PLA2R1: variants seen among roughly 807,000 people sequenced by gnomAD.
PLA2R1 encodes secretory phospholipase A2 receptor.
In PLA2R1, 158 loss-of-function variants were observed where a neutral mutation model predicts 195.9. That is an observed-to-expected ratio of 0.81 (90% CI 0.71 to 0.92). The LOEUF (loss-of-function observed/expected upper bound fraction) is 0.92. PLA2R1 is among the 40% of genes least tolerant of loss of function. The probability of loss-of-function intolerance (pLI) is 0.00; values close to 1 mark genes in which losing one functional copy is unlikely to be tolerated. For synonymous variants in PLA2R1, 586 were observed against 598.2 expected (o/e 0.98, Z 0.30); for missense variants, 1,626 against 1,764.6 (o/e 0.92, Z 1.41).
At chr2:160,031,322 A>C (rs1332828282) in intron 4 of PLA2R1, among the ~76,000 whole-genome samples, 1 of 152,250 alleles carries the variant, frequency 6.6e-6, no homozygotes, top group East Asian at 1.9e-4. Flanking sequence ...AATATCTCTA[A>C]TATATTACCA....
intron 3 of PLA2R1, among the ~76,000 whole-genome samples, chr2:160,034,839 C>A (rs568054814): frequency 3.7e-5 from 5 of 133,558 alleles, no homozygotes; most frequent in African/African-American, 1.2e-4. Context: ...GAAGCTGAGG[C>A]GGGTGGATTG....
At chr2:159,930,864 C>T (rs1438746078), downstream of PLA2R1, among the ~76,000 whole-genome samples, 3 of 152,232 alleles carry the variant, frequency 2.0e-5, no homozygotes, top group East Asian at 5.8e-4. Context: ...TCTTCCCACT[C>T]CTTCCTCAGC....
intron 11 of PLA2R1, among the ~76,000 whole-genome samples, chr2:160,000,369 G>A (rs1276755600): frequency 2.6e-5 from 4 of 152,144 alleles, no homozygotes; most frequent in African/African-American, 4.8e-5. Context: ...GTTAGTCATC[G>A]AATTCATGCT....
At chr2:159,968,912 A>G (rs1688957796) in intron 19 of PLA2R1, among the ~76,000 whole-genome samples, 1 of 152,242 alleles carries the variant, frequency 6.6e-6, no homozygotes, top group Non-Finnish European at 1.5e-5. Flanking sequence ...TAAATTGGAT[A>G]TAGGAATAGA....
intron 4 of PLA2R1, among the ~76,000 whole-genome samples, chr2:160,032,147 A>G (rs938933031): frequency 2.6e-5 from 4 of 152,256 alleles, no homozygotes; most frequent in African/African-American, 2.4e-5. Context: ...GCAGAGAAAC[A>G]CAGTTGTCTC....
chr2:160,000,608 G>T (rs1316283462), intron 11 of PLA2R1, among the ~76,000 whole-genome samples: 1 of 152,040 alleles, frequency 6.6e-6, no homozygotes, highest in Non-Finnish European at 1.5e-5. Flanking sequence ...ACAACTTCAG[G>T]TATGAGATTA....
intron 20 of PLA2R1, among the ~76,000 whole-genome samples, chr2:159,958,317 A>G (rs1688233429): frequency 6.6e-6 from 1 of 152,010 alleles, no homozygotes. Flanking sequence ...TTCTGCCATG[A>G]TTGTAAGCTC....
intron 3 of PLA2R1, among the ~76,000 whole-genome samples, chr2:160,041,003 T>C (rs896432516): frequency 6.6e-6 from 1 of 152,186 alleles, no homozygotes; most frequent in Non-Finnish European, 1.5e-5. Flanking sequence ...GAGACTCAGA[T>C]AGATGGAGAG....
intron 16 of PLA2R1, 28 bp downstream of exon 16, chr2:159,976,657 A>T: frequency 2.0e-6 from 3 of 1,469,902 alleles, no homozygotes; most frequent in Non-Finnish European, 2.9e-6. Flanking sequence ...ATAATTAGAA[A>T]TTCAAGAGCT....
At position 160,042,209 on chromosome 2, in the gene PLA2R1, G is replaced by A; in HGVS notation, c.494-11C>T. 1 of 1,609,090 alleles carries A rather than the reference G, an allele frequency of 6.2e-7. No individual in the cohort carries two copies. The highest frequency in any genetic ancestry group is 1.1e-5 in the South Asian group (1 of 90,596). Reference sequence around the variant, plus strand: ...TGATTGTATGCAAATCTAGGAGAAAGAAATGTACAAAGTCAGATAAGTATG... The same window carrying A: ...TGATTGTATGCAAATCTAGGAGAAAAAAATGTACAAAGTCAGATAAGTATG... On this transcript the variant is annotated splice_polypyrimidine_tract_variant and intron_variant, in intron 2 of 29. Coordinates refer to ENST00000283243, the MANE Select transcript of PLA2R1 (RefSeq NM_007366.5).
At chr2:159,990,391 G>T (rs1040222367) in intron 11 of PLA2R1, among the ~76,000 whole-genome samples, 7 of 152,146 alleles carry the variant, frequency 4.6e-5, no homozygotes, top group Non-Finnish European at 8.8e-5. Context: ...GATTCACCAA[G>T]TTATCTATGC....
intron 4 of PLA2R1, among the ~76,000 whole-genome samples, chr2:160,032,369 A>C (rs1279420088): frequency 6.6e-5 from 10 of 152,246 alleles, no homozygotes; most frequent in Admixed American, 3.9e-4. Flanking sequence ...ATACAAATAC[A>C]TTTAATCTAT....
chr2:159,951,285 G>T, intron 24 of PLA2R1, 55 bp downstream of exon 24: 1 of 915,770 alleles, frequency 1.1e-6, no homozygotes, highest in Non-Finnish European at 1.8e-6. Flanking sequence ...TCATGAAGGA[G>T]GTAGATGCTA....
chr2:159,999,165 TA>T (rs1691426966), intron 11 of PLA2R1, among the ~76,000 whole-genome samples: 3 of 152,154 alleles, frequency 2.0e-5, no homozygotes, highest in Admixed American at 6.6e-5. Flanking sequence ...GCTAGCACCT[TA>T]ATCTTGGACT....
At chr2:159,979,715 G>A in intron 14 of PLA2R1, 115 bp downstream of exon 14, 1 of 604,194 alleles carries the variant, frequency 1.7e-6, no homozygotes, top group Non-Finnish European at 3.0e-6. Context: ...GTCTGGTGCA[G>A]TTTTGTCATG....
rs927577380 is a variant in PLA2R1 at position 159,943,870 on chromosome 2, C to G, written c.4144+1036G>C. Among the ~76,000 whole-genome samples the G allele has an allele frequency of 4.6e-5, 7 of 151,892 alleles. No individual in the cohort carries two copies. In the East Asian group the frequency reaches 1.4e-3, roughly 29 times the overall value. ...TGTGGGGGTTTCAAACATTGGTGCC[C>G]ACACCTGCAGTGTTTTCTTCTTCAT... On this transcript the variant is annotated intron_variant, in intron 28 of 29. Transcript: ENST00000283243.
At chr2:159,997,475 A>G (rs865863336) in intron 11 of PLA2R1, among the ~76,000 whole-genome samples, 1 of 152,212 alleles carries the variant, frequency 6.6e-6, no homozygotes, top group African/African-American at 2.4e-5. Context: ...ATGCTTTGCT[A>G]TATTTCAAAA....
downstream of PLA2R1, among the ~76,000 whole-genome samples, chr2:159,929,872 G>GTATATA (rs71000319): frequency 1.1e-3 from 166 of 148,224 alleles, 1 homozygote; most frequent in South Asian, 0.013. Context: ...GTGTGTGTGT[G>GTATATA]TATATATATA....
At position 159,965,913 on chromosome 2, in the gene PLA2R1, G is replaced by A. The variant is rs370821921; in HGVS notation, c.2904+1626C>T. Among the ~76,000 whole-genome samples the A allele has an allele frequency of 5.9e-5, 9 of 152,106 alleles. No homozygotes were observed. The East Asian group carries it at 1.5e-3, about 26-fold the overall frequency. On this transcript the variant is annotated intron_variant, in intron 20 of 29. Coordinates refer to ENST00000283243, the MANE Select transcript of PLA2R1 (RefSeq NM_007366.5). ...GGAGTGGCAGTCCTTAAGTGCCAAC[G>A]TGAAGTGGCAGGCATAGGAAAGGGG...
Sources: gnomAD v4.1 joint callset for allele counts (sites outside exome capture counted in the v4.1 genomes callset) on GRCh38, gnomAD v4.1.1 for gene constraint, MANE v1.5 for transcripts, NCBI Gene and HGNC (gene_info 2026-07-23, HGNC 2026-07-21) for gene names.